COLEC10: variants seen among roughly 807,000 people sequenced by gnomAD.
COLEC10 encodes the protein collectin subfamily member 10.
A neutral mutation model predicts 28.4 loss-of-function variants in COLEC10; 22 were observed. The ratio of observed to expected loss-of-function variants is 0.78; its 90% confidence interval spans 0.55 to 1.11. COLEC10 has a LOEUF of 1.11. Ranked by LOEUF, COLEC10 falls within the 50% of genes least tolerant of loss-of-function variation. The probability of loss-of-function intolerance (pLI) is 0.00; values close to 1 mark genes in which losing one functional copy is unlikely to be tolerated. For synonymous variants in COLEC10, 125 were observed against 116.1 expected (o/e 1.08, Z -0.49); for missense variants, 361 against 344.1 (o/e 1.05, Z -0.39).
the COLEC10 span, among the ~76,000 whole-genome samples, chr8:118,990,342 T>A: frequency 6.6e-6 from 1 of 152,106 alleles, no homozygotes; most frequent in East Asian, 1.9e-4. Flanking sequence ...AAGGGAGAAA[T>A]ATAATTTTTA....
chr8:119,050,907 A>G (rs530930823), intron 2 of COLEC10, among the ~76,000 whole-genome samples: 1 of 152,312 alleles, frequency 6.6e-6, no homozygotes, highest in Admixed American at 6.5e-5. Context: ...TTTTTCATAC[A>G]TCTAAAAAAT....
intron 1 of COLEC10, among the ~76,000 whole-genome samples, chr8:118,998,231 T>G (rs1410758803): frequency 1.3e-5 from 2 of 152,220 alleles, no homozygotes; most frequent in African/African-American, 4.8e-5. Context: ...AGAAGTTAAA[T>G]TTGCCTTTTA....
rs559314082 is a variant in COLEC10, at chr8:119,022,720, C to T, written n.235+13167C>T. On this transcript the variant is annotated intron_variant and non_coding_transcript_variant, in intron 2 of 6. Coordinates refer to the COLEC10 transcript ENST00000521788. ...AACCTCTACTCTTCTTGCATAATAC[C>T]CAGTCCCCTCCACTGGCTGCCTCCC... 8.6e-5 allele frequency among the ~76,000 whole-genome samples: 13 copies of T among 151,942 alleles called. 1 individual carries two copies. The highest frequency in any genetic ancestry group is 1.8e-4 in the Non-Finnish European group (12 of 67,968).
the COLEC10 span, among the ~76,000 whole-genome samples, chr8:118,958,343 T>G: frequency 6.6e-6 from 1 of 152,186 alleles, no homozygotes; most frequent in African/African-American, 2.4e-5. Flanking sequence ...GTGCTTTAGG[T>G]TCTTCTCTCA....
chr8:118,980,100 G>C, the COLEC10 span, among the ~76,000 whole-genome samples: 1 of 151,676 alleles, frequency 6.6e-6, no homozygotes, highest in African/African-American at 2.4e-5. Flanking sequence ...TTATTAATTA[G>C]AAATGAGTCA....
At chr8:118,959,762 A>G in the COLEC10 span, among the ~76,000 whole-genome samples, 1 of 152,232 alleles carries the variant, frequency 6.6e-6, no homozygotes, top group Non-Finnish European at 1.5e-5. Context: ...TGTGTCCCCA[A>G]GTTCCCACAA....
At chr8:119,063,488 T>C (rs1483925484), upstream of COLEC10, among the ~76,000 whole-genome samples, 2 of 152,206 alleles carry the variant, frequency 1.3e-5, no homozygotes, top group Non-Finnish European at 2.9e-5. Context: ...GTAACTCTCA[T>C]TTCTGCCTCA....
intron 2 of COLEC10, among the ~76,000 whole-genome samples, chr8:119,056,981 A>G (rs1399283333): frequency 6.6e-6 from 1 of 152,040 alleles, no homozygotes; most frequent in Non-Finnish European, 1.5e-5. Flanking sequence ...TATTCTGTCT[A>G]TATGGAATAT....
At chr8:119,001,692 C>T (rs1813703806) in intron 1 of COLEC10, among the ~76,000 whole-genome samples, 1 of 134,262 alleles carries the variant, frequency 7.4e-6, no homozygotes, top group African/African-American at 3.1e-5. Flanking sequence ...TTACCAGACA[C>T]CAGCCAAAAC....
the COLEC10 span, among the ~76,000 whole-genome samples, chr8:118,963,863 A>G: frequency 6.6e-6 from 1 of 152,154 alleles, no homozygotes; most frequent in Non-Finnish European, 1.5e-5. Flanking sequence ...CAGAGTGCCT[A>G]CTATGTGTTG....
At chr8:119,083,383 TA>T (rs1475768194) in intron 1 of COLEC10, among the ~76,000 whole-genome samples, 3 of 152,174 alleles carry the variant, frequency 2.0e-5, no homozygotes, top group African/African-American at 7.2e-5. Context: ...TGTGGGCTCT[TA>T]TTGGGTCACA....
At chr8:119,044,009 A>G (rs994714264) in intron 2 of COLEC10, among the ~76,000 whole-genome samples, 1 of 152,254 alleles carries the variant, frequency 6.6e-6, no homozygotes, top group African/African-American at 2.4e-5. Flanking sequence ...AATAAAACCT[A>G]CAAAACAGAC....
the COLEC10 span, among the ~76,000 whole-genome samples, chr8:118,955,263 T>A: frequency 6.6e-6 from 1 of 152,166 alleles, no homozygotes; most frequent in African/African-American, 2.4e-5. Context: ...CCTTTATAGG[T>A]CATCTAGACT....
the COLEC10 span, among the ~76,000 whole-genome samples, chr8:118,958,905 T>C: frequency 3.3e-5 from 5 of 152,220 alleles, no homozygotes; most frequent in Admixed American, 6.5e-5. Flanking sequence ...TTTGAAATTA[T>C]GTACCCTCAA....
At chr8:118,979,793 G>A in the COLEC10 span, among the ~76,000 whole-genome samples, 1 of 152,116 alleles carries the variant, frequency 6.6e-6, no homozygotes, top group Non-Finnish European at 1.5e-5. Flanking sequence ...TAGCTTTCTA[G>A]CTTGAATTCT....
intron 1 of COLEC10, among the ~76,000 whole-genome samples, chr8:119,082,628 G>A (rs2450070): frequency 1 from 152,194 of 152,318 alleles, 76,035 homozygotes; most frequent in East Asian, 1. Context: ...TGTACTGAGA[G>A]GACTCCTTGG....
chr8:118,989,315 A>T, the COLEC10 span, among the ~76,000 whole-genome samples: 1 of 152,134 alleles, frequency 6.6e-6, no homozygotes, highest in Admixed American at 6.5e-5. Context: ...ATGCAAAGAG[A>T]ATAAAGAATG....
intron 2 of COLEC10, among the ~76,000 whole-genome samples, chr8:119,020,667 T>C (rs1337469487): frequency 6.6e-6 from 1 of 152,182 alleles, no homozygotes; most frequent in African/African-American, 2.4e-5. Context: ...GGTATTATCA[T>C]GGACACAAAT....
At chr8:118,985,180 G>A in the COLEC10 span, among the ~76,000 whole-genome samples, 1 of 152,050 alleles carries the variant, frequency 6.6e-6, no homozygotes, top group Non-Finnish European at 1.5e-5. Context: ...CCAGAATGGT[G>A]AGAGAATATT....
Sources: allele counts gnomAD v4.1 joint callset (sites outside exome capture counted in the v4.1 genomes callset), GRCh38; gene constraint gnomAD v4.1.1; transcripts MANE v1.5; gene names NCBI Gene and HGNC (gene_info 2026-07-23, HGNC 2026-07-21).